USH2A: variants seen among roughly 807,000 people sequenced by gnomAD.
The protein encoded by USH2A is usherin.
In USH2A, 443 loss-of-function variants were observed where a neutral mutation model predicts 538.9. That is an observed-to-expected ratio of 0.82 (90% CI 0.76 to 0.89). The LOEUF is 0.89. Ranked by LOEUF, USH2A falls within the 40% of genes least tolerant of loss-of-function variation. The pLI is 0.00. For missense variants in USH2A, 6,633 were observed against 6,324.8 expected (o/e 1.05, Z -1.65); for synonymous variants, 2,413 against 2,273.5 (o/e 1.06, Z -1.75).
chr1:215,764,106 C>T (rs1441819773), intron 56 of USH2A, among the ~76,000 whole-genome samples: 6 of 152,084 alleles, frequency 3.9e-5, no homozygotes, highest in Non-Finnish European at 5.9e-5. Context: ...CCAGTAAATA[C>T]ATAGGATTTA....
intron 11 of USH2A, among the ~76,000 whole-genome samples, chr1:216,280,680 T>A (rs2036757702): frequency 6.9e-6 from 1 of 145,414 alleles, no homozygotes; most frequent in Non-Finnish European, 1.5e-5. Flanking sequence ...CCTCTCAAGA[T>A]TTTGGCATTC....
In USH2A at chr1:215,625,880, A is replaced by G; in HGVS notation, c.15520-10T>C. The G allele has an allele frequency of 8.7e-6, 14 of 1,613,348 alleles. No homozygotes were observed. The highest frequency in any genetic ancestry group is 1.2e-5 in the Non-Finnish European group (14 of 1,179,258). On this transcript the variant is annotated splice_polypyrimidine_tract_variant and intron_variant, in intron 71 of 71. Transcript: ENST00000307340. ...CCTCTTCATCCACATACTGAAAAAT[A>G]AGCCAATCATCATTGGCTACATACT...
At position 215,779,871 on chromosome 1, in the gene USH2A, G is replaced by A; in HGVS notation, c.10911C>T (p.Thr3637=). The change falls in exon 55 of 72, where the codon ACC becomes ACT. Residue 3637 remains threonine (T), a synonymous_variant. Coordinates refer to ENST00000307340, the MANE Select transcript of USH2A (RefSeq NM_206933.4). ...TGACCGTATGCTGTCTCCTGTCAGT[G>A]GTGTCAGTGTGGATGAGACCTTTCC... The part of the protein sequence containing the change: ...QVGKGLIHTD[T]TDRRQHTVTG... The A allele has an allele frequency of 6.2e-7, 1 of 1,613,952 alleles. No homozygotes were observed. The highest frequency in any genetic ancestry group is 8.5e-7 in the Non-Finnish European group (1 of 1,180,010).
At chr1:216,257,316 T>C (rs1289473174) in intron 11 of USH2A, among the ~76,000 whole-genome samples, 1 of 152,028 alleles carries the variant, frequency 6.6e-6, no homozygotes, top group Non-Finnish European at 1.5e-5. Context: ...AAGTGCACTA[T>C]TTATTTTCTT....
intron 55 of USH2A, among the ~76,000 whole-genome samples, chr1:215,773,922 C>A (rs1333626875): frequency 1.3e-5 from 2 of 152,082 alleles, no homozygotes; most frequent in African/African-American, 2.4e-5. Flanking sequence ...ATCTAAGGTA[C>A]CTTTAAATTA....
intron 12 of USH2A, among the ~76,000 whole-genome samples, chr1:216,247,555 C>A (rs896442708): frequency 2.9e-4 from 44 of 152,014 alleles, no homozygotes; most frequent in Non-Finnish European, 7.4e-5. Flanking sequence ...AACAAATGTG[C>A]TCATTTAAAA....
At chr1:216,059,333 C>T (rs1351812607) in intron 30 of USH2A, among the ~76,000 whole-genome samples, 1 of 152,080 alleles carries the variant, frequency 6.6e-6, no homozygotes, top group Non-Finnish European at 1.5e-5. Context: ...AAGTATAGTA[C>T]ATTTGGTTTT....
At chr1:216,027,308 G>A (rs368197923) in intron 32 of USH2A, among the ~76,000 whole-genome samples, 1 of 152,170 alleles carries the variant, frequency 6.6e-6, no homozygotes, top group East Asian at 1.9e-4. Flanking sequence ...ATTGCAAGAA[G>A]GCGGCAATTT....
chr1:216,236,282 A>G (rs192830918), intron 13 of USH2A, among the ~76,000 whole-genome samples: 11 of 152,158 alleles, frequency 7.2e-5, no homozygotes, highest in African/African-American at 9.6e-5. Context: ...CAGTTCAGAA[A>G]TCATTTTCTC....
At chr1:216,292,477 T>A in intron 9 of USH2A, 107 bp from the exon 10 acceptor site, 1 of 1,172,820 alleles carries the variant, frequency 8.5e-7, no homozygotes, top group Non-Finnish European at 1.2e-6. Context: ...ATCAGTGAGT[T>A]AAAAGTCAGC....
At chr1:215,979,077 C>T (rs1281008099) in intron 35 of USH2A, among the ~76,000 whole-genome samples, 1 of 152,068 alleles carries the variant, frequency 6.6e-6, no homozygotes, top group South Asian at 2.1e-4. Flanking sequence ...GCTAGGGAGG[C>T]CTCCTAATCA....
At chr1:215,843,874 A>T (rs1243319108) in intron 46 of USH2A, among the ~76,000 whole-genome samples, 1 of 152,168 alleles carries the variant, frequency 6.6e-6, no homozygotes, top group African/African-American at 2.4e-5. Context: ...ACACCAAGTG[A>T]AGTTTCATAA....
chr1:216,170,332 T>C (rs1291863933), intron 21 of USH2A, among the ~76,000 whole-genome samples: 1 of 152,152 alleles, frequency 6.6e-6, no homozygotes, highest in Non-Finnish European at 1.5e-5. Flanking sequence ...GGAAGGTGAA[T>C]ACTATGATAC....
intron 9 of USH2A, 38 bp downstream of exon 9, chr1:216,321,844 AT>A (rs751684256): frequency 3.9e-3 from 5,340 of 1,359,328 alleles, no homozygotes; most frequent in Non-Finnish European, 4.7e-3. Context: ...CATCTCTACT[AT>A]TTTTTTTTTA....
At chr1:215,736,020 A>G (rs1015034477) in intron 60 of USH2A, among the ~76,000 whole-genome samples, 1 of 152,174 alleles carries the variant, frequency 6.6e-6, no homozygotes, top group Admixed American at 6.5e-5. Context: ...TAGGGAACAC[A>G]GTGACTTGCC....
At chr1:216,310,730 T>C (rs1162056572) in intron 9 of USH2A, among the ~76,000 whole-genome samples, 2 of 152,224 alleles carry the variant, frequency 1.3e-5, no homozygotes, top group Non-Finnish European at 2.9e-5. Context: ...AATGAATTTC[T>C]GAATTATTTT....
intron 50 of USH2A, among the ~76,000 whole-genome samples, chr1:215,796,737 T>C (rs1215123831): frequency 6.6e-6 from 1 of 152,182 alleles, no homozygotes; most frequent in East Asian, 1.9e-4. Context: ...TAGGAATGAT[T>C]AAGCTTATTG....
In USH2A at chr1:215,910,902, T is replaced by C. The variant is rs573055732; in HGVS notation, c.7301-9997A>G. 9.2e-5 allele frequency among the ~76,000 whole-genome samples: 14 copies of C among 152,100 alleles called. No homozygotes were observed. In the East Asian group the frequency reaches 2.7e-3, roughly 29 times the overall value. On this transcript the variant is annotated intron_variant, in intron 38 of 71. Transcript: ENST00000307340. Reference sequence around the variant, plus strand: ...GGATACATTATTTGTAATAATAATATTTATGAAATTACAAAGTCTGATCCT... The same window carrying C: ...GGATACATTATTTGTAATAATAATACTTATGAAATTACAAAGTCTGATCCT...
chr1:215,660,838 C>G (rs942896890), intron 64 of USH2A, among the ~76,000 whole-genome samples: 1 of 152,194 alleles, frequency 6.6e-6, no homozygotes, highest in African/African-American at 2.4e-5. Context: ...TCAGCTCCAT[C>G]AACAGATAAA....
Sources: gnomAD v4.1 joint callset for allele counts (sites outside exome capture counted in the v4.1 genomes callset) on GRCh38, gnomAD v4.1.1 for gene constraint, MANE v1.5 for transcripts, NCBI Gene and HGNC (gene_info 2026-07-23, HGNC 2026-07-21) for gene names.